Variants in ADORA2B observed in about 807,000 individuals in gnomAD.
ADORA2B encodes adenosine receptor A2b.
ADORA2B carries 18 observed loss-of-function variants against 20.8 expected under a neutral mutation model. That is an observed-to-expected ratio of 0.87 (90% CI 0.60 to 1.29). The LOEUF (loss-of-function observed/expected upper bound fraction) is 1.29. Among genes scored for constraint, ADORA2B ranks in the 50% most tolerant of loss-of-function variants. The pLI, the probability that ADORA2B is intolerant of heterozygous loss-of-function variation, is 0.00. For missense variants in ADORA2B, 441 were observed against 422.7 expected (o/e 1.04, Z -0.38); for synonymous variants, 179 against 178.3 (o/e 1.00, Z -0.03).
intron 1 of ADORA2B, among the ~76,000 whole-genome samples, chr17:15,970,627 T>C (rs1409662444): frequency 6.6e-6 from 1 of 152,238 alleles, no homozygotes; most frequent in Non-Finnish European, 1.5e-5. Flanking sequence ...ATAAGAGAGA[T>C]TGGACTAGAA....
At chr17:15,967,613 T>C (rs1018817143) in intron 1 of ADORA2B, among the ~76,000 whole-genome samples, 5 of 152,140 alleles carry the variant, frequency 3.3e-5, no homozygotes, top group African/African-American at 1.2e-4. Flanking sequence ...GGACACTTCC[T>C]CAGCTGTACT....
chr17:15,931,199 G>A, the ADORA2B span, among the ~76,000 whole-genome samples: 3 of 152,228 alleles, frequency 2.0e-5, no homozygotes, highest in Non-Finnish European at 4.4e-5. Context: ...AAAGAGAAAC[G>A]CAGGGTGTCC....
chr17:15,890,390 A>G, the ADORA2B span, among the ~76,000 whole-genome samples: 1 of 86,002 alleles, frequency 1.2e-5, no homozygotes, highest in Non-Finnish European at 2.4e-5. Context: ...GTCATTTGCT[A>G]TGTATATACT....
chr17:15,910,174 G>A, the ADORA2B span, among the ~76,000 whole-genome samples: 5 of 152,144 alleles, frequency 3.3e-5, no homozygotes, highest in African/African-American at 1.2e-4. Context: ...ACTACTCAAA[G>A]TACATCTCTG....
chr17:15,924,851 TTTTC>T, the ADORA2B span, among the ~76,000 whole-genome samples: 1,106 of 152,046 alleles, frequency 7.3e-3, 8 homozygotes, highest in Non-Finnish European at 9.9e-3. Context: ...TCAAATGTTT[TTTTC>T]TTTCTTTCTT....
At chr17:15,940,693 T>C (rs112002081), upstream of ADORA2B, among the ~76,000 whole-genome samples, 1 of 152,358 alleles carries the variant, frequency 6.6e-6, no homozygotes, top group African/African-American at 2.4e-5. Context: ...GGGTAACATA[T>C]TTGGGAAAGG....
chr17:15,902,370 A>G, the ADORA2B span, among the ~76,000 whole-genome samples: 1 of 152,008 alleles, frequency 6.6e-6, no homozygotes, highest in African/African-American at 2.4e-5. Flanking sequence ...TGCCTGGCTA[A>G]TTTTTGTATT....
chr17:15,975,108 T>C lies in ADORA2B; in HGVS notation c.765T>C (p.Cys255=), dbSNP rs763609328. 28 of 1,614,038 alleles carry C rather than the reference T, an allele frequency of 1.7e-5. 1 individual carries two copies. In the East Asian group the frequency reaches 5.6e-4, roughly 32 times the overall value. ...GGTTACCTGTGCATGCTGTTAACTG[T>C]GTCACTCTTTTCCAGCCAGCTCAGG... is the stretch of plus-strand genomic sequence containing the variant. ...LCWLPVHAVN[C]VTLFQPAQGK... The change falls in exon 2 of 2, where the codon TGT becomes TGC. Residue 255 remains cysteine, a synonymous_variant. Transcript: ENST00000304222.
chr17:15,945,722 C>G, intron 1 of ADORA2B, 139 bp downstream of exon 1: 1 of 768,928 alleles, frequency 1.3e-6, no homozygotes, highest in Non-Finnish European at 2.0e-6. Flanking sequence ...AGGGCTGGTT[C>G]CCAGCCTGGC....
the ADORA2B span, among the ~76,000 whole-genome samples, chr17:15,904,199 C>T: frequency 2.6e-5 from 4 of 152,044 alleles, no homozygotes; most frequent in South Asian, 2.1e-4. Context: ...AGACTGGTCT[C>T]GAACTCTTGG....
At chr17:15,973,503 T>G (rs1970211808) in intron 1 of ADORA2B, among the ~76,000 whole-genome samples, 1 of 152,196 alleles carries the variant, frequency 6.6e-6, no homozygotes, top group African/African-American at 2.4e-5. Context: ...CGTGGCCTGT[T>G]AGGAACTGGG....
At chr17:15,944,171 A>G (rs1464981533), upstream of ADORA2B, among the ~76,000 whole-genome samples, 1 of 152,122 alleles carries the variant, frequency 6.6e-6, no homozygotes, top group Non-Finnish European at 1.5e-5. This position sits in a 1 kb window ranked among gnomAD's most constrained non-coding sequence, Gnocchi z 4.8. Context: ...TCAATAACGA[A>G]CAGGGTCCCA....
the ADORA2B span, among the ~76,000 whole-genome samples, chr17:15,866,433 C>G: frequency 6.6e-6 from 1 of 151,486 alleles, no homozygotes; most frequent in Non-Finnish European, 1.5e-5. Context: ...TGCAAATTGG[C>G]CATGTGGATA....
chr17:15,965,756 A>AGGCC (rs1970108365), intron 1 of ADORA2B, among the ~76,000 whole-genome samples: 1 of 152,226 alleles, frequency 6.6e-6, no homozygotes, highest in African/African-American at 2.4e-5. Flanking sequence ...CTCCCGTAGA[A>AGGCC]AGCCACATCC....
chr17:15,865,830 C>T, the ADORA2B span, among the ~76,000 whole-genome samples: 7 of 145,726 alleles, frequency 4.8e-5, no homozygotes, highest in African/African-American at 1.8e-4. Context: ...TTGCATGTAT[C>T]TTTTTTTTTT....
chr17:15,940,707 GC>G (rs1317013465), upstream of ADORA2B, among the ~76,000 whole-genome samples: 3 of 152,200 alleles, frequency 2.0e-5, no homozygotes, highest in Non-Finnish European at 4.4e-5. Context: ...GGAAAGGTAT[GC>G]CCCTTCCTCT....
the ADORA2B span, among the ~76,000 whole-genome samples, chr17:15,888,756 A>T: frequency 5.5e-5 from 5 of 91,736 alleles, no homozygotes; most frequent in Non-Finnish European, 6.1e-5. Flanking sequence ...AATTACTAGA[A>T]CTCTTATTTA....
At chr17:15,948,105 A>G (rs1486914882) in intron 1 of ADORA2B, among the ~76,000 whole-genome samples, 1 of 152,096 alleles carries the variant, frequency 6.6e-6, no homozygotes, top group Non-Finnish European at 1.5e-5. Context: ...AGTGAGGGCT[A>G]AAGGCTTAGG....
chr17:15,855,931 C>T, the ADORA2B span, among the ~76,000 whole-genome samples: 1 of 151,914 alleles, frequency 6.6e-6, no homozygotes, highest in African/African-American at 2.4e-5. Flanking sequence ...AAACTGTACC[C>T]ACTGAACAAC....
Sources: allele counts gnomAD v4.1 joint callset (sites outside exome capture counted in the v4.1 genomes callset), GRCh38; gene constraint gnomAD v4.1.1; non-coding constraint Gnocchi (gnomAD v3.1); transcripts MANE v1.5; gene names NCBI Gene and HGNC (gene_info 2026-07-23, HGNC 2026-07-21).